Variants in FRMPD4 observed in about 807,000 individuals in gnomAD.
FRMPD4 encodes FERM and PDZ domain-containing protein 4.
In FRMPD4, 22 loss-of-function variants were observed where a neutral mutation model predicts 94.1. The ratio of observed to expected loss-of-function variants is 0.23; its 90% CI spans 0.17 to 0.33. The LOEUF (loss-of-function observed/expected upper bound fraction) is 0.33. Ranked by LOEUF, FRMPD4 falls within the 10% of genes least tolerant of loss-of-function variation. The probability of loss-of-function intolerance (pLI) is 1.00; values close to 1 mark genes in which losing one functional copy is unlikely to be tolerated. For missense variants in FRMPD4, 1,111 were observed against 1,339.9 expected (o/e 0.83, Z 2.67); for synonymous variants, 631 against 548.6 (o/e 1.15, Z -2.10).
chrX:11,931,210 G>A (rs1399806332), intron 3 of FRMPD4, among the ~76,000 whole-genome samples: 1 of 112,148 alleles, frequency 8.9e-6, no homozygotes, highest in Non-Finnish European at 1.9e-5. Context: ...TCCCATCAGT[G>A]AGCCCCCAGA....
intron 2 of FRMPD4, among the ~76,000 whole-genome samples, chrX:12,564,346 G>C (rs1367613111): frequency 1.8e-5 from 2 of 112,133 alleles, no homozygotes; most frequent in African/African-American, 6.5e-5. Flanking sequence ...TGTAACCAGA[G>C]ATTAATCGAC....
chrX:12,015,366 C>T (rs1016998114), intron 3 of FRMPD4, among the ~76,000 whole-genome samples: 1 of 111,706 alleles, frequency 9.0e-6, no homozygotes, highest in Non-Finnish European at 1.9e-5. Flanking sequence ...TCAGGTTTCA[C>T]TTATCGATAA....
At chrX:12,025,230 A>T (rs1377216478) in intron 3 of FRMPD4, among the ~76,000 whole-genome samples, 1 of 107,006 alleles carries the variant, frequency 9.3e-6, no homozygotes, top group African/African-American at 3.4e-5. Flanking sequence ...TTCCTGGAAG[A>T]TCTCACTTAT....
At chrX:12,339,622 T>C (rs1463379902) in intron 1 of FRMPD4, among the ~76,000 whole-genome samples, 1 of 110,184 alleles carries the variant, frequency 9.1e-6, no homozygotes, top group East Asian at 2.8e-4. Context: ...TTAATGAATT[T>C]TTTTTTTTTT....
At chrX:12,291,205 C>T (rs2054682882) in intron 1 of FRMPD4, among the ~76,000 whole-genome samples, 2 of 112,402 alleles carry the variant, frequency 1.8e-5, no homozygotes, top group African/African-American at 3.2e-5. Context: ...AGTTTTTGAT[C>T]TTCATCTTCC....
At chrX:11,841,367 T>C (rs1164972287) in intron 1 of FRMPD4, among the ~76,000 whole-genome samples, 1 of 110,159 alleles carries the variant, frequency 9.1e-6, no homozygotes, top group East Asian at 2.9e-4. Context: ...CCACCAACAG[T>C]GTAAAAGTGT....
chrX:12,629,021 T>G (rs2059372604), intron 4 of FRMPD4, among the ~76,000 whole-genome samples: 1 of 111,772 alleles, frequency 8.9e-6, no homozygotes, highest in Non-Finnish European at 1.9e-5. Flanking sequence ...CTCGATCTCA[T>G]GAGACTTATT....
chrX:12,136,938 A>C (rs1489705678), upstream of FRMPD4, among the ~76,000 whole-genome samples: 1 of 107,114 alleles, frequency 9.3e-6, no homozygotes, highest in East Asian at 3.1e-4. Flanking sequence ...CACACACACA[A>C]AACATCTTTT....
intron 2 of FRMPD4, among the ~76,000 whole-genome samples, chrX:12,538,588 C>A (rs958769707): frequency 8.9e-6 from 1 of 111,835 alleles, no homozygotes; most frequent in African/African-American, 3.3e-5. Context: ...TAGGGGCAGA[C>A]TGACACCCCA....
At chrX:11,848,038 T>C (rs917802648) in intron 1 of FRMPD4, among the ~76,000 whole-genome samples, 106 of 104,301 alleles carry the variant, frequency 1.0e-3, no homozygotes, top group African/African-American at 3.4e-3. Context: ...ATAATAATAA[T>C]AAAAAAAATA....
At chrX:12,371,230 A>G (rs780383124) in intron 1 of FRMPD4, among the ~76,000 whole-genome samples, 1 of 112,677 alleles carries the variant, frequency 8.9e-6, no homozygotes, top group East Asian at 2.8e-4. Context: ...TCCAAATGAC[A>G]TTTACGTTTC....
At chrX:12,214,832 A>C (rs1341076681) in intron 1 of FRMPD4, among the ~76,000 whole-genome samples, 1 of 112,372 alleles carries the variant, frequency 8.9e-6, no homozygotes, top group Non-Finnish European at 1.9e-5. Flanking sequence ...TTTGATTAAA[A>C]AATGGATAAA....
intron 3 of FRMPD4, among the ~76,000 whole-genome samples, chrX:11,903,259 G>A (rs2053947954): frequency 8.9e-6 from 1 of 112,499 alleles, no homozygotes; most frequent in Non-Finnish European, 1.9e-5. Context: ...AATGGAATAT[G>A]TTGCCCTGGC....
chrX:12,060,629 TGAAA>T (rs762901003), intron 3 of FRMPD4, among the ~76,000 whole-genome samples: 5 of 111,417 alleles, frequency 4.5e-5, no homozygotes, highest in Admixed American at 3.8e-4. Context: ...TGGCCTGGAA[TGAAA>T]GAGTCAATCT....
At chrX:11,866,788 G>A (rs1270907152) in intron 2 of FRMPD4, among the ~76,000 whole-genome samples, 1 of 111,318 alleles carries the variant, frequency 9.0e-6, no homozygotes, top group Non-Finnish European at 1.9e-5. Context: ...TTCTTGGTCT[G>A]GATGTTTAAT....
chrX:12,064,900 G>A (rs556914886), intron 3 of FRMPD4, among the ~76,000 whole-genome samples: 1 of 111,638 alleles, frequency 9.0e-6, no homozygotes, highest in African/African-American at 3.2e-5. Flanking sequence ...AACAATAATG[G>A]GCTTATTTGT....
chrX:12,426,877 T>G (rs1280043260), intron 1 of FRMPD4, among the ~76,000 whole-genome samples: 1 of 29,339 alleles, frequency 3.4e-5, no homozygotes, highest in African/African-American at 2.6e-4. Flanking sequence ...CTAGCTGTAG[T>G]TTTTTTTTGT....
At chrX:12,679,958 T>G (rs2059950521) in intron 5 of FRMPD4, among the ~76,000 whole-genome samples, 1 of 112,091 alleles carries the variant, frequency 8.9e-6, no homozygotes, top group Non-Finnish European at 1.9e-5. Context: ...TTTTGGAGAC[T>G]CCAAACTAAG....
intron 3 of FRMPD4, among the ~76,000 whole-genome samples, chrX:11,880,832 G>A (rs2053809859): frequency 9.0e-6 from 1 of 111,142 alleles, no homozygotes; most frequent in Admixed American, 9.6e-5. Context: ...TAGTAGAGAT[G>A]GGGTTTCACC....
Sources: gnomAD v4.1 joint callset for allele counts (sites outside exome capture counted in the v4.1 genomes callset) on GRCh38, gnomAD v4.1.1 for gene constraint, MANE v1.5 for transcripts, NCBI Gene and HGNC (gene_info 2026-07-23, HGNC 2026-07-21) for gene names.